Variants in PRKCQ observed in about 807,000 individuals in gnomAD.
PRKCQ encodes protein kinase C theta.
A neutral mutation model predicts 91.2 loss-of-function variants in PRKCQ; 41 were observed. The ratio of observed to expected loss-of-function variants is 0.45; its 90% CI spans 0.35 to 0.58. The LOEUF (loss-of-function observed/expected upper bound fraction) is 0.58, where lower values mean the gene tolerates loss of function less well. PRKCQ is among the 20% of genes least tolerant of loss of function. The pLI is 0.00. For missense variants in PRKCQ, 673 were observed against 896.5 expected (o/e 0.75, Z 3.18); for synonymous variants, 307 against 316.9 (o/e 0.97, Z 0.33).
chr10:6,460,449 C>G (rs964063512), intron 14 of PRKCQ, among the ~76,000 whole-genome samples: 3 of 151,886 alleles, frequency 2.0e-5, no homozygotes, highest in Admixed American at 1.3e-4. Context: ...TCTCTCTCTC[C>G]AGTCCCTCCT....
intron 12 of PRKCQ, among the ~76,000 whole-genome samples, chr10:6,468,295 C>G (rs1427701608): frequency 6.6e-6 from 1 of 152,142 alleles, no homozygotes; most frequent in African/African-American, 2.4e-5. Context: ...TACAACCTAG[C>G]TTCTACACTG....
chr10:6,469,328 C>T (rs559796658), intron 12 of PRKCQ, among the ~76,000 whole-genome samples: 3 of 152,088 alleles, frequency 2.0e-5, no homozygotes, highest in Admixed American at 6.5e-5. Context: ...TTGGCCATAT[C>T]GGGAAAGTCT....
intron 1 of PRKCQ, among the ~76,000 whole-genome samples, chr10:6,566,134 G>A (rs1840828290): frequency 6.6e-6 from 1 of 152,166 alleles, no homozygotes; most frequent in Admixed American, 6.5e-5. Context: ...CACTAACACT[G>A]TAGAACGAAT....
At chr10:6,527,556 G>C (rs376148226) in intron 1 of PRKCQ, among the ~76,000 whole-genome samples, 2 of 152,062 alleles carry the variant, frequency 1.3e-5, no homozygotes, top group African/African-American at 4.8e-5. Context: ...TGATGGATAC[G>C]TTTGTAAAAG....
rs77756480 is a variant in PRKCQ at position 6,508,411 on chromosome 10, C to T, written c.319-915G>A. On this transcript the variant is annotated intron_variant, in intron 3 of 17. Transcript: ENST00000263125. The stretch of plus-strand genomic sequence containing the variant: ...GTGGAACTCAGGATTGAATCTGAAT[C>T]GTGGCTAAATAATTTTCTGGTTATG... 9.9e-3 allele frequency among the ~76,000 whole-genome samples: 1,509 copies of T among 152,298 alleles called. 25 individuals carry two copies. Among genetic ancestry groups the T allele is most frequent in the African/African-American group, 0.033 (1,384 of 41,542 alleles).
At chr10:6,577,482 T>C (rs558914220) in intron 1 of PRKCQ, among the ~76,000 whole-genome samples, 2 of 152,184 alleles carry the variant, frequency 1.3e-5, no homozygotes, top group Non-Finnish European at 2.9e-5. Flanking sequence ...ACAGCAAGCA[T>C]GAGTTTAATG....
At chr10:6,454,405 A>G (rs1834896755) in intron 15 of PRKCQ, among the ~76,000 whole-genome samples, 1 of 152,114 alleles carries the variant, frequency 6.6e-6, no homozygotes, top group African/African-American at 2.4e-5. Flanking sequence ...GCGGAGCTGG[A>G]TCAAGGGGAT....
At chr10:6,556,858 G>A (rs1445599460) in intron 1 of PRKCQ, among the ~76,000 whole-genome samples, 3 of 151,768 alleles carry the variant, frequency 2.0e-5, no homozygotes, top group Non-Finnish European at 2.9e-5. Flanking sequence ...TCTCCACCTC[G>A]GCAGATGAGC....
chr10:6,512,685 G>A (rs534355504), intron 2 of PRKCQ, among the ~76,000 whole-genome samples: 3 of 152,144 alleles, frequency 2.0e-5, no homozygotes, highest in Non-Finnish European at 4.4e-5. Flanking sequence ...ACTTTCGAGG[G>A]CCCCTTCTGT....
At chr10:6,455,712 A>G (rs1191396341) in intron 15 of PRKCQ, among the ~76,000 whole-genome samples, 1 of 152,218 alleles carries the variant, frequency 6.6e-6, no homozygotes, top group African/African-American at 2.4e-5. Flanking sequence ...AAGATGGCAT[A>G]GCACCATGTA....
At chr10:6,517,098 C>T (rs1039906629) in intron 1 of PRKCQ, among the ~76,000 whole-genome samples, 1 of 152,134 alleles carries the variant, frequency 6.6e-6, no homozygotes, top group Non-Finnish European at 1.5e-5. Context: ...GTAATCTTCA[C>T]ACATCATTCA....
chr10:6,450,856 T>C (rs1834629606), intron 15 of PRKCQ, among the ~76,000 whole-genome samples: 1 of 152,090 alleles, frequency 6.6e-6, no homozygotes, highest in Non-Finnish European at 1.5e-5. Context: ...AAGGCAGAAA[T>C]AAAGATGTTC....
chr10:6,501,914 A>G (rs1837936948), intron 4 of PRKCQ, among the ~76,000 whole-genome samples: 2 of 152,220 alleles, frequency 1.3e-5, no homozygotes, highest in Non-Finnish European at 2.9e-5. Flanking sequence ...TCCCAGAATC[A>G]GAGGAGATTG....
chr10:6,442,933 G>C (rs1295281176), intron 15 of PRKCQ, among the ~76,000 whole-genome samples: 2 of 152,140 alleles, frequency 1.3e-5, no homozygotes, highest in African/African-American at 2.4e-5. Flanking sequence ...ATGCACTCCA[G>C]CTTGGGCAAC....
chr10:6,551,970 T>G (rs190585863), intron 1 of PRKCQ, among the ~76,000 whole-genome samples: 7 of 152,348 alleles, frequency 4.6e-5, no homozygotes, highest in Admixed American at 4.6e-4. Flanking sequence ...CTCCACAACC[T>G]TGCCAGCATC....
intron 16 of PRKCQ, among the ~76,000 whole-genome samples, chr10:6,440,177 TGTGA>T (rs1833899052): frequency 6.6e-6 from 1 of 152,208 alleles, no homozygotes; most frequent in South Asian, 2.1e-4. Flanking sequence ...CATGCAGAAC[TGTGA>T]GTCAGTTAAA....
intron 1 of PRKCQ, among the ~76,000 whole-genome samples, chr10:6,528,757 T>C (rs945837269): frequency 6.6e-6 from 1 of 152,232 alleles, no homozygotes; most frequent in Admixed American, 6.5e-5. Context: ...AGCAAATGTC[T>C]TTGAAGGTTA....
intron 3 of PRKCQ, among the ~76,000 whole-genome samples, chr10:6,507,997 T>TTTTCTC (rs1186883628): frequency 6.6e-6 from 1 of 152,200 alleles, no homozygotes; most frequent in African/African-American, 2.4e-5. Context: ...TGGGGATGGC[T>TTTTCTC]TTTCTCTTTC....
chr10:6,464,893 A>C (rs1171835435), intron 12 of PRKCQ, among the ~76,000 whole-genome samples: 1 of 152,132 alleles, frequency 6.6e-6, no homozygotes, highest in Admixed American at 6.5e-5. Flanking sequence ...TATGTTTTTG[A>C]GCCCCAGGAA....
Sources: allele counts gnomAD v4.1 joint callset (sites outside exome capture counted in the v4.1 genomes callset), GRCh38; gene constraint gnomAD v4.1.1; transcripts MANE v1.5; gene names NCBI Gene and HGNC (gene_info 2026-07-23, HGNC 2026-07-21).